Variants in FOXP2 observed in about 807,000 individuals in gnomAD.
FOXP2 encodes the protein forkhead box protein P2.
A neutral mutation model predicts 115.8 loss-of-function variants in FOXP2; 12 were observed. The ratio of observed to expected loss-of-function variants is 0.10; its 90% confidence interval spans 0.07 to 0.17. The LOEUF is 0.17. Ranked by LOEUF, FOXP2 falls within the 10% of genes least tolerant of loss-of-function variation. FOXP2 has a pLI of 1.00. For synonymous variants in FOXP2, 328 were observed against 297.7 expected (o/e 1.10, Z -1.05); for missense variants, 629 against 843.5 (o/e 0.75, Z 3.15).
chr7:114,176,232 T>TTTCTCTCTCTCTCTTTCCC (rs1562992731), intron 1 of FOXP2, among the ~76,000 whole-genome samples: 21 of 146,754 alleles, frequency 1.4e-4, no homozygotes, highest in African/African-American at 5.6e-4. Flanking sequence ...TTGTCTTGTC[T>TTTCTCTCTCTCTCTTTCCC]TTTCTTTCTT....
At chr7:114,684,407 G>A (rs1585026929) in intron 16 of FOXP2, among the ~76,000 whole-genome samples, 1 of 152,162 alleles carries the variant, frequency 6.6e-6, no homozygotes, top group Admixed American at 6.6e-5. Flanking sequence ...CTGCACAAGA[G>A]CTCACATCTG....
intron 1 of FOXP2, among the ~76,000 whole-genome samples, chr7:114,188,220 T>C (rs1482717282): frequency 6.6e-6 from 1 of 152,220 alleles, no homozygotes; most frequent in Non-Finnish European, 1.5e-5. Context: ...AGTCTTTACT[T>C]GTATTTGGAA....
At chr7:114,270,071 A>G (rs1795997049) in intron 1 of FOXP2, among the ~76,000 whole-genome samples, 1 of 152,222 alleles carries the variant, frequency 6.6e-6, no homozygotes, top group South Asian at 2.1e-4. Flanking sequence ...AATGTTGATC[A>G]GTCAGAATGC....
intron 1 of FOXP2, among the ~76,000 whole-genome samples, chr7:114,144,596 GA>G (rs1333004634): frequency 6.6e-6 from 1 of 151,940 alleles, no homozygotes; most frequent in African/African-American, 2.4e-5. Context: ...AATATTTTCT[GA>G]CATATTAAAA....
chr7:114,159,590 A>T (rs1362620538), upstream of FOXP2, among the ~76,000 whole-genome samples: 3 of 152,166 alleles, frequency 2.0e-5, no homozygotes, highest in African/African-American at 7.2e-5. Context: ...TAAAATTACC[A>T]TCCAAACTGG....
rs369128973 is a variant in FOXP2 at position 114,616,377 on chromosome 7, G to C, written c.259-12163G>C. Among the ~76,000 whole-genome samples the C allele has an allele frequency of 1.0e-3, 158 of 152,234 alleles. 3 individuals are homozygous for C. In the South Asian group the frequency reaches 0.032, roughly 31 times the overall value. On this transcript the variant is annotated intron_variant, in intron 3 of 16. Coordinates refer to ENST00000350908, the MANE Select transcript of FOXP2 (RefSeq NM_014491.4). Reference sequence around the variant, plus strand: ...TGTGTTTCACCACGTTGGCCAAGCTGGTCTCGAACTCCTGACCTCAGGTGT... The same window carrying C: ...TGTGTTTCACCACGTTGGCCAAGCTCGTCTCGAACTCCTGACCTCAGGTGT...
At position 114,693,655 on chromosome 7, in the gene FOXP2, G is replaced by A. The variant is rs1230179564; in HGVS notation, c.*3729G>A. On this transcript the variant is annotated 3_prime_UTR_variant, in exon 17 of 17. Coordinates refer to ENST00000350908, the MANE Select transcript of FOXP2 (RefSeq NM_014491.4). The stretch of plus-strand genomic sequence containing the variant: ...ATGTACATTTTACTATAGAATTAAT[G>A]TATGAACAGTGTGTCACTGCTGTTG... 1 of 429,742 alleles carries A rather than the reference G, an allele frequency of 2.3e-6. No individual in the cohort carries two copies. Among genetic ancestry groups the A allele is most frequent in the Non-Finnish European group, 4.6e-6 (1 of 215,656 alleles). 26.6% of individuals were successfully genotyped at this position (429,742 alleles called of 1,614,324 possible).
intron 7 of FOXP2, 48 bp from the exon 8 acceptor site, chr7:114,644,637 G>C (rs780277508): frequency 6.6e-7 from 1 of 1,523,800 alleles, no homozygotes; most frequent in Non-Finnish European, 9.1e-7. Context: ...AGCCTGCAAC[G>C]ATTATAGCTT....
chr7:114,393,816 A>G (rs1006197634), intron 2 of FOXP2, among the ~76,000 whole-genome samples: 1 of 152,160 alleles, frequency 6.6e-6, no homozygotes, highest in Non-Finnish European at 1.5e-5. Context: ...ATGGGAGTCA[A>G]ATTTCTCATT....
intron 1 of FOXP2, among the ~76,000 whole-genome samples, chr7:114,101,899 TTGTGTG>T (rs5886693): frequency 0.093 from 13,234 of 142,422 alleles, 1,579 homozygotes; most frequent in African/African-American, 0.28. Flanking sequence ...CTTCAACATT[TTGTGTG>T]TGTGTGTGTG....
intron 1 of FOXP2, among the ~76,000 whole-genome samples, chr7:114,226,692 T>C (rs1453673777): frequency 6.6e-6 from 1 of 152,196 alleles, no homozygotes; most frequent in Non-Finnish European, 1.5e-5. Context: ...CATTTTATTA[T>C]CTCTTTTCCA....
chr7:114,261,018 C>G (rs1795735776), intron 1 of FOXP2, among the ~76,000 whole-genome samples: 1 of 152,146 alleles, frequency 6.6e-6, no homozygotes, highest in Non-Finnish European at 1.5e-5. Context: ...CTTCTTTCTT[C>G]TTAAATAGTA....
intron 1 of FOXP2, among the ~76,000 whole-genome samples, chr7:114,119,225 C>T (rs976942304): frequency 1.3e-5 from 2 of 151,982 alleles, no homozygotes; most frequent in Admixed American, 6.6e-5. Context: ...TATCAGAAGC[C>T]GGAGAGTGAC....
chr7:114,552,655 T>G (rs373767706), intron 3 of FOXP2, among the ~76,000 whole-genome samples: 4 of 152,172 alleles, frequency 2.6e-5, no homozygotes, highest in East Asian at 3.8e-4. Context: ...AAAGTGAAAT[T>G]TGTTGTTGGA....
chr7:114,091,419 T>C (rs932959700), intron 1 of FOXP2, among the ~76,000 whole-genome samples: 1 of 151,948 alleles, frequency 6.6e-6, no homozygotes, highest in Non-Finnish European at 1.5e-5. Flanking sequence ...CTAGTTTTTC[T>C]TTAAATAGTT....
chr7:114,674,088 T>C (rs1807634727), intron 16 of FOXP2, among the ~76,000 whole-genome samples: 1 of 152,232 alleles, frequency 6.6e-6, no homozygotes, highest in Non-Finnish European at 1.5e-5. Context: ...TAAGCTGTCA[T>C]CATTAAGAAT....
intron 1 of FOXP2, among the ~76,000 whole-genome samples, chr7:114,097,540 A>G (rs1471061044): frequency 6.6e-6 from 1 of 152,206 alleles, no homozygotes; most frequent in African/African-American, 2.4e-5. Flanking sequence ...GTAAGTTTTT[A>G]TATAGCCTTA....
intron 16 of FOXP2, chr7:114,668,988 A>G (rs1168858725): frequency 6.6e-6 from 1 of 152,088 alleles, no homozygotes. Context: ...TATAATGTTC[A>G]TTTTTATGTG....
intron 1 of FOXP2, among the ~76,000 whole-genome samples, chr7:114,240,466 A>G (rs1244674425): frequency 1.3e-5 from 2 of 152,084 alleles, no homozygotes; most frequent in African/African-American, 4.8e-5. Flanking sequence ...ATGATAATTT[A>G]TTACCTTTAA....
Sources: allele counts gnomAD v4.1 joint callset (sites outside exome capture counted in the v4.1 genomes callset), GRCh38; gene constraint gnomAD v4.1.1; transcripts MANE v1.5; gene names NCBI Gene and HGNC (gene_info 2026-07-23, HGNC 2026-07-21).